The following JMJD1C variants were observed in gnomAD, a reference collection of about 807,000 sequenced individuals.
JMJD1C encodes jumonji domain-containing protein 1C.
JMJD1C carries 31 observed loss-of-function variants against 245.3 expected under a neutral mutation model. That is an observed-to-expected ratio of 0.13 (90% CI 0.09 to 0.17). The LOEUF is 0.17. Among genes scored for constraint, JMJD1C ranks in the 10% least tolerant of loss-of-function variants. The pLI, the probability that JMJD1C is intolerant of heterozygous loss-of-function variation, is 1.00. For synonymous variants in JMJD1C, 1,057 were observed against 1,017.4 expected (o/e 1.04, Z -0.74); for missense variants, 2,691 against 3,000.2 (o/e 0.90, Z 2.41).
At chr10:63,429,668 A>C (rs1950635880) in intron 1 of JMJD1C, among the ~76,000 whole-genome samples, 1 of 152,228 alleles carries the variant, frequency 6.6e-6, no homozygotes, top group African/African-American at 2.4e-5. Flanking sequence ...CAGTTGAGAA[A>C]GCAGCACCTT....
chr10:63,252,981 A>C (rs1011480866), intron 3 of JMJD1C, among the ~76,000 whole-genome samples: 1 of 152,208 alleles, frequency 6.6e-6, no homozygotes, highest in Non-Finnish European at 1.5e-5. Context: ...TCTTAAAAAC[A>C]TATGTTTCCT....
Position 63,207,610 on chromosome 10 carries a change from T to C in JMJD1C, c.4059A>G (p.Arg1353=), listed in dbSNP as rs760259927. The part of the protein sequence containing the change: ...LKLAEAGETG[R]IILPNVNSDS... ...CTGAATTCACATTTGGCAAAATGATTCTTCCAGTTTCTCCGGCTTCTGCTA... is the reference window on the plus strand; with the variant it reads ...CTGAATTCACATTTGGCAAAATGATCCTTCCAGTTTCTCCGGCTTCTGCTA... The change falls in exon 10 of 26, where the codon AGA becomes AGG. Residue 1353 remains arginine, a synonymous_variant. Coordinates refer to ENST00000399262, the MANE Select transcript of JMJD1C (RefSeq NM_032776.3). 2 of 1,614,056 alleles carry C rather than the reference T, an allele frequency of 1.2e-6. No individual in the cohort carries two copies. The highest frequency in any genetic ancestry group is 2.7e-5 in the African/African-American group (2 of 74,930).
intron 2 of JMJD1C, among the ~76,000 whole-genome samples, chr10:63,311,485 T>C (rs1246267118): frequency 1.3e-5 from 2 of 152,102 alleles, no homozygotes; most frequent in African/African-American, 2.4e-5. Context: ...AAACAATTAC[T>C]CCAACATTGT....
chr10:63,440,224 A>G (rs1217594007), intron 1 of JMJD1C, among the ~76,000 whole-genome samples: 1 of 151,994 alleles, frequency 6.6e-6, no homozygotes, highest in Non-Finnish European at 1.5e-5. Context: ...AATCTCAGCT[A>G]CTCAGGAGGC....
chr10:63,237,873 A>C (rs1850934259), intron 3 of JMJD1C, among the ~76,000 whole-genome samples: 1 of 151,806 alleles, frequency 6.6e-6, no homozygotes, highest in Non-Finnish European at 1.5e-5. Context: ...TAAATTACAC[A>C]AAAAGAAAAA....
At chr10:63,307,845 T>A (rs1346531072) in intron 2 of JMJD1C, among the ~76,000 whole-genome samples, 2 of 152,046 alleles carry the variant, frequency 1.3e-5, no homozygotes, top group African/African-American at 4.8e-5. Context: ...CATCATCATA[T>A]CCAAACCAAA....
In JMJD1C at chr10:63,207,275, C is replaced by A. The variant is rs1444032255; in HGVS notation, c.4394G>T (p.Ser1465Ile). The change falls in exon 10 of 26, where the codon AGT (serine) becomes ATT (isoleucine). Residue 1465 changes from serine (S) to isoleucine (I), a missense_variant. By Grantham distance (142) the Ser-to-Ile change is moderately radical. Transcript: ENST00000399262. ...GAACCCAGAACTGGGTTGAACAACA[C>A]TTCCTGTCTTACTACTGGCTAATGT... ...PVTLASSKTGSVVQPSSGFSG... is the reference protein window; with the variant it reads ...PVTLASSKTGIVVQPSSGFSG... 5 of 1,613,752 alleles carry A rather than the reference C, an allele frequency of 3.1e-6. No homozygotes were observed. Among genetic ancestry groups the A allele is most frequent in the African/African-American group, 1.3e-5 (1 of 74,938 alleles).
chr10:63,446,080 G>T (rs1359973782), intron 1 of JMJD1C, among the ~76,000 whole-genome samples: 1 of 151,702 alleles, frequency 6.6e-6, no homozygotes, highest in African/African-American at 2.4e-5. Context: ...TTGCCATGTT[G>T]CCCAGGCTGG....
chr10:63,321,263 T>C (rs1940825498), intron 2 of JMJD1C, among the ~76,000 whole-genome samples: 1 of 152,244 alleles, frequency 6.6e-6, no homozygotes, highest in Non-Finnish European at 1.5e-5. Context: ...CCTTTGTGAA[T>C]TGCTCTAGCA....
intron 1 of JMJD1C, among the ~76,000 whole-genome samples, chr10:63,393,634 C>T (rs558246139): frequency 1.6e-4 from 25 of 151,838 alleles, no homozygotes; most frequent in Non-Finnish European, 3.1e-4. Context: ...TGGAATCAAC[C>T]TGTCTATTAA....
At chr10:63,387,571 T>C (rs556324827) in intron 1 of JMJD1C, among the ~76,000 whole-genome samples, 113 of 130,126 alleles carry the variant, frequency 8.7e-4, no homozygotes, top group African/African-American at 2.9e-3. Flanking sequence ...AAGAAAAAAA[T>C]CTCAGAACTT....
chr10:63,377,186 A>C (rs182987198), intron 2 of JMJD1C, among the ~76,000 whole-genome samples: 1 of 152,216 alleles, frequency 6.6e-6, no homozygotes, highest in African/African-American at 2.4e-5. Context: ...CAAATACTGT[A>C]TAATTACATT....
At chr10:63,343,327 T>G (rs938698317) in intron 2 of JMJD1C, among the ~76,000 whole-genome samples, 1 of 151,312 alleles carries the variant, frequency 6.6e-6, no homozygotes, top group Non-Finnish European at 1.5e-5. Context: ...GATCATACCA[T>G]TACATTTCAG....
intron 1 of JMJD1C, among the ~76,000 whole-genome samples, chr10:63,498,312 ATTCTC>A (rs1013034728): frequency 1.3e-5 from 2 of 152,172 alleles, no homozygotes; most frequent in Non-Finnish European, 2.9e-5. Context: ...TTAATATTCT[ATTCTC>A]ATCAGCAAGA....
rs553027979 is a variant in JMJD1C at position 63,223,275 on chromosome 10, G to A, written c.448-3292C>T. Among the ~76,000 whole-genome samples, 38 of 141,076 alleles carry A rather than the reference G, an allele frequency of 2.7e-4. 1 individual carries two copies. The South Asian group carries it at 8.0e-3, about 30-fold the overall frequency. The allele number at this position is 141,076 out of a possible 152,430, so 92.6% of individuals were successfully genotyped here. ...AGACACAGTCTCACTCTCCCAGCCC[G>A]TAGTGTACTGGGCACGATCTTGACT... On this transcript the variant is annotated intron_variant, in intron 3 of 25. Coordinates refer to ENST00000399262, the MANE Select transcript of JMJD1C (RefSeq NM_032776.3).
chr10:63,350,921 A>G (rs867250952), intron 2 of JMJD1C, among the ~76,000 whole-genome samples: 13 of 150,054 alleles, frequency 8.7e-5, no homozygotes, highest in African/African-American at 3.2e-4. Flanking sequence ...ACCCGGCCCA[A>G]AATTTTTATA....
intron 1 of JMJD1C, among the ~76,000 whole-genome samples, chr10:63,485,789 AACTT>A (rs1252875336): frequency 1.3e-5 from 2 of 152,210 alleles, no homozygotes; most frequent in South Asian, 2.1e-4. Context: ...TAAATCTATT[AACTT>A]ACTTAGTAAA....
intron 1 of JMJD1C, among the ~76,000 whole-genome samples, chr10:63,471,965 G>A (rs1278180402): frequency 6.6e-6 from 1 of 152,158 alleles, no homozygotes; most frequent in African/African-American, 2.4e-5. Context: ...TTGAACGCGG[G>A]AAGCAAGAGA....
chr10:63,371,006 C>G (rs1946268461), intron 2 of JMJD1C, among the ~76,000 whole-genome samples: 1 of 152,172 alleles, frequency 6.6e-6, no homozygotes, highest in African/African-American at 2.4e-5. Context: ...GAGACAGGGT[C>G]TTGCTCCATT....
Sources: gnomAD v4.1 joint callset for allele counts (sites outside exome capture counted in the v4.1 genomes callset) on GRCh38, gnomAD v4.1.1 for gene constraint, MANE v1.5 for transcripts, NCBI Gene and HGNC (gene_info 2026-07-23, HGNC 2026-07-21) for gene names.